Variants in CTNS observed in about 807,000 individuals in gnomAD.
The protein encoded by CTNS is cystinosin.
In CTNS, 27 loss-of-function variants were observed where a neutral mutation model predicts 43.7. That is an observed-to-expected ratio of 0.62 (90% CI 0.46 to 0.85). The LOEUF is 0.85. CTNS is among the 40% of genes least tolerant of loss of function. The probability of loss-of-function intolerance (pLI) is 0.00; values close to 1 mark genes in which losing one functional copy is unlikely to be tolerated. For missense variants in CTNS, 457 were observed against 475.4 expected (o/e 0.96, Z 0.36); for synonymous variants, 187 against 190.6 (o/e 0.98, Z 0.16).
chr17:3,659,904 G>A lies in CTNS; in HGVS notation c.899G>A (p.Gly300Asp). 1 of 1,614,010 alleles carries A rather than the reference G, an allele frequency of 6.2e-7. No individual in the cohort carries two copies. Among genetic ancestry groups the A allele is most frequent in the Non-Finnish European group, 8.5e-7 (1 of 1,180,006 alleles). ...YYKSTEGWSI[G>D]NVLLDFTGGS... Reference sequence around the variant, plus strand: ...AAAAGCACTGAGGGCTGGAGCATTGGCAACGTGCTCCTGGACTTCACCGGG... The same window carrying A: ...AAAAGCACTGAGGGCTGGAGCATTGACAACGTGCTCCTGGACTTCACCGGG... Residue 300 changes from glycine to aspartate, a missense_variant, in exon 11 of 12, where the codon GGC (glycine) becomes GAC (aspartate). Gly to Asp is a moderately conservative substitution (Grantham distance 94). Transcript: ENST00000046640.
At chr17:3,659,808 C>T in intron 10 of CTNS, 50 bp from the exon 11 acceptor site, 1 of 1,411,642 alleles carries the variant, frequency 7.1e-7, no homozygotes, top group Non-Finnish European at 1.0e-6. Flanking sequence ...CATGAGGCAG[C>T]CGCCCAGCCC....
chr17:3,662,084 A>C lies in CTNS; in HGVS notation c.*1715A>C, dbSNP rs964252918. Among the ~76,000 whole-genome samples, 5 of 152,086 alleles carry C rather than the reference A, an allele frequency of 3.3e-5. No individual in the cohort carries two copies. The highest frequency in any genetic ancestry group is 1.2e-4 in the African/African-American group (5 of 41,428). ...CCAGCACTTTGGGAGGCCAAGGCAGATGGATCACCTGACATCAGGAGTTCG... is the reference window on the plus strand; with the variant it reads ...CCAGCACTTTGGGAGGCCAAGGCAGCTGGATCACCTGACATCAGGAGTTCG... On this transcript the variant is annotated 3_prime_UTR_variant, in exon 12 of 12. Transcript: ENST00000046640.
At position 3,660,909 on chromosome 17, in the gene CTNS, A is replaced by G. The variant is rs1037951952; in HGVS notation, c.*540A>G. 57 of 960,010 alleles carry G rather than the reference A, an allele frequency of 5.9e-5. 1 individual carries two copies. In the Middle Eastern group the frequency reaches 9.4e-4, roughly 16 times the overall value. 59.5% of individuals were successfully genotyped at this position (960,010 alleles called of 1,614,324 possible). Reference sequence around the variant, plus strand: ...CACTTTCCTGACGTACTCTCTGTACATAACTCAGCGTCCGTGACTGCAGTA... The same window carrying G: ...CACTTTCCTGACGTACTCTCTGTACGTAACTCAGCGTCCGTGACTGCAGTA... On this transcript the variant is annotated 3_prime_UTR_variant, in exon 12 of 12. Transcript: ENST00000046640.
rs894209737 is a variant in CTNS at position 3,656,892 on chromosome 17, G to T, written c.681+97G>T. ...GACACGGCAGAGCCTGGGAAAGGAAGGGTGTGTGTTCATTCATCCAGGTCC... is the reference window on the plus strand; with the variant it reads ...GACACGGCAGAGCCTGGGAAAGGAATGGTGTGTGTTCATTCATCCAGGTCC... On this transcript the variant is annotated intron_variant, in intron 9 of 11. Coordinates refer to ENST00000046640, the MANE Select transcript of CTNS (RefSeq NM_004937.3). 7 of 1,576,356 alleles carry T rather than the reference G, an allele frequency of 4.4e-6. No homozygotes were observed. The South Asian group carries it at 4.5e-5, about 10-fold the overall frequency.
At chr17:3,644,076 G>A (rs959841492) in intron 3 of CTNS, among the ~76,000 whole-genome samples, 1 of 152,104 alleles carries the variant, frequency 6.6e-6, no homozygotes, top group Non-Finnish European at 1.5e-5. Context: ...GACTTGGGGG[G>A]CCAGCTTCCT....
At chr17:3,650,880 G>A (rs1363133348) in intron 5 of CTNS, among the ~76,000 whole-genome samples, 1 of 152,126 alleles carries the variant, frequency 6.6e-6, no homozygotes, top group East Asian at 1.9e-4. Context: ...TCAGCTCCCT[G>A]CAACCTCTGC....
At chr17:3,658,251 G>A in intron 10 of CTNS, 76 bp downstream of exon 10, 1 of 1,577,314 alleles carries the variant, frequency 6.3e-7, no homozygotes, top group South Asian at 1.1e-5. Context: ...TGCTCCGGTG[G>A]GGCAGCTCCT....
At chr17:3,657,780 G>A in intron 9 of CTNS, 2 of 592,734 alleles carry the variant, frequency 3.4e-6, no homozygotes, top group African/African-American at 1.9e-5. Context: ...AGAAGGTGTG[G>A]TTGGTGCTGG....
chr17:3,652,567 G>C (rs752567207), intron 5 of CTNS, among the ~76,000 whole-genome samples: 2 of 152,082 alleles, frequency 1.3e-5, no homozygotes, highest in Non-Finnish European at 2.9e-5. Context: ...ACTCCAGCCT[G>C]GGTGACATGA....
chr17:3,647,483 TGGA>T lies in CTNS; in HGVS notation c.103_105del (p.Glu35del), dbSNP rs767035144. 6.2e-7 allele frequency: 1 copy of T among 1,614,174 alleles called. No individual in the cohort carries two copies. The highest frequency in any genetic ancestry group is 2.2e-5 in the East Asian group (1 of 44,880). On this transcript the variant is annotated inframe_deletion, in exon 4 of 12. Transcript: ENST00000046640. ...CTCACTGTTCCTCCTGTCGTAAAGC[TGGA>T]GAACGGCAGCTCGACCAACGTCAGC...
chr17:3,651,838 G>C (rs927957926), intron 5 of CTNS, among the ~76,000 whole-genome samples: 2 of 151,806 alleles, frequency 1.3e-5, no homozygotes, highest in Non-Finnish European at 2.9e-5. Context: ...CCAGGTGGTA[G>C]TGGTGTGCGC....
At position 3,661,276 on chromosome 17, in the gene CTNS, C is replaced by G. The variant is rs1360163707; in HGVS notation, c.*907C>G. The G allele has an allele frequency of 5.3e-6, 1 of 189,336 alleles. No individual in the cohort carries two copies. Among genetic ancestry groups the G allele is most frequent in the Non-Finnish European group, 1.1e-5 (1 of 89,448 alleles). 11.7% of individuals were successfully genotyped at this position (189,336 alleles called of 1,614,324 possible). A position where few individuals can be genotyped will look rare whatever the true frequency, so the allele number is the denominator to read the frequency against. On this transcript the variant is annotated 3_prime_UTR_variant, in exon 12 of 12. Transcript: ENST00000046640. ...TTCCCTCTCTTTCCCCAGACACCTA[C>G]TTGAGACTCACCAATTTCTGGCCTG...
intron 10 of CTNS, 52 bp from the exon 11 acceptor site, chr17:3,659,806 A>T: frequency 7.2e-7 from 1 of 1,380,712 alleles, no homozygotes; most frequent in Non-Finnish European, 1.0e-6. Context: ...CGCATGAGGC[A>T]GCCGCCCAGC....
At chr17:3,657,660 C>T (rs1282871555) in intron 9 of CTNS, 6 of 385,986 alleles carry the variant, frequency 1.6e-5, no homozygotes, top group East Asian at 1.1e-4. Context: ...ACCAGAGTTC[C>T]GACCCCACGT....
At chr17:3,660,121 C>A (rs945354779) in intron 11 of CTNS, 115 bp from the exon 12 acceptor site, 1 of 1,511,946 alleles carries the variant, frequency 6.6e-7, no homozygotes, top group Admixed American at 1.7e-5. Context: ...TAGGGGCCTT[C>A]GTAGCTGGAG....
intron 5 of CTNS, 120 bp downstream of exon 5, chr17:3,649,051 T>A: frequency 1.2e-6 from 1 of 847,902 alleles, no homozygotes; most frequent in Non-Finnish European, 2.0e-6. Context: ...TAGAAATCTG[T>A]GATTTTGGCT....
intron 5 of CTNS, among the ~76,000 whole-genome samples, chr17:3,649,938 T>TA: frequency 6.6e-6 from 1 of 152,180 alleles, no homozygotes. Context: ...ACTGCATGCC[T>TA]AAAAACTGCT....
chr17:3,653,150 G>A (rs1348717845), intron 5 of CTNS, among the ~76,000 whole-genome samples: 1 of 152,186 alleles, frequency 6.6e-6, no homozygotes, highest in African/African-American at 2.4e-5. Context: ...GGTGGCTCAC[G>A]CCTGTAATCC....
intron 7 of CTNS, chr17:3,655,943 G>C: frequency 3.8e-6 from 1 of 263,782 alleles, no homozygotes; most frequent in South Asian, 4.4e-5. Context: ...GGTGGCATCC[G>C]TGGTGGTAGC....
Sources: gnomAD v4.1 joint callset for allele counts (sites outside exome capture counted in the v4.1 genomes callset) on GRCh38, gnomAD v4.1.1 for gene constraint, MANE v1.5 for transcripts, NCBI Gene and HGNC (gene_info 2026-07-23, HGNC 2026-07-21) for gene names.